Variants in PABIR2 observed in about 807,000 individuals in gnomAD.
PABIR2 encodes PABIR family member 2.
A neutral mutation model predicts 22.8 loss-of-function variants in PABIR2; 7 were observed. That is an observed-to-expected ratio of 0.31 (90% CI 0.17 to 0.58). The LOEUF is 0.58. Among genes scored for constraint, PABIR2 ranks in the 20% least tolerant of loss-of-function variants. PABIR2 has a pLI of 0.89. For synonymous variants in PABIR2, 67 were observed against 73.8 expected, an observed-to-expected ratio of 0.91 and a Z score of 0.47; for missense variants, 155 against 205.1, an observed-to-expected ratio of 0.76 and a Z score of 1.49.
intron 8 of PABIR2, among the ~76,000 whole-genome samples, chrX:134,783,422 G>C (rs2079208721): frequency 1.8e-5 from 2 of 112,362 alleles, no homozygotes; most frequent in Non-Finnish European, 3.8e-5. Flanking sequence ...ACCACTTGCT[G>C]AATTGCTTTT....
chrX:134,793,551 C>T lies in PABIR2; in HGVS notation c.177+264G>A, dbSNP rs1403787485. 4 of 435,108 alleles carry T rather than the reference C, an allele frequency of 9.2e-6. No individual in the cohort carries two copies. In the Admixed American group the frequency reaches 1.2e-4, roughly 13 times the overall value. 35.9% of individuals were successfully genotyped at this position (435,108 alleles called of 1,213,427 possible). A position where few individuals can be genotyped will look rare whatever the true frequency, so the allele number is the denominator to read the frequency against. On this transcript the variant is annotated intron_variant, in intron 2 of 9. Transcript: ENST00000343004. ...ATAATTAGGAGTTAATCCTGACTTACCTCACAAGCCTGATGCAAGTAGTGA... is the reference window on the plus strand; with the variant it reads ...ATAATTAGGAGTTAATCCTGACTTATCTCACAAGCCTGATGCAAGTAGTGA...
chrX:134,789,425 T>C, intron 3 of PABIR2, 155 bp downstream of exon 3: 3 of 837,518 alleles, frequency 3.6e-6, no homozygotes, highest in Non-Finnish European at 5.2e-6. Context: ...GGAACATTCA[T>C]GCCGCTTGTA....
intron 8 of PABIR2, 89 bp downstream of exon 8, chrX:134,785,797 G>A: frequency 1.1e-6 from 1 of 899,963 alleles, no homozygotes; most frequent in Non-Finnish European, 1.6e-6. Context: ...TCGTATGTGT[G>A]TGGTAAGAAC....
chrX:134,784,290 G>C (rs1431875784), intron 8 of PABIR2, among the ~76,000 whole-genome samples: 2 of 108,690 alleles, frequency 1.8e-5, no homozygotes, highest in Non-Finnish European at 3.8e-5. Flanking sequence ...GTGAAACTCT[G>C]CCTTTATTAA....
chrX:134,775,403 A>G (rs1353081028), intron 9 of PABIR2, among the ~76,000 whole-genome samples: 1 of 107,343 alleles, frequency 9.3e-6, no homozygotes, highest in Admixed American at 1.0e-4. Context: ...CTGTAGTCCC[A>G]GCTACTTGGA....
rs771387824 is a variant in PABIR2 at position 134,773,252 on chromosome X, C to T, written c.660-969G>A. ...ATAAGCTCTATGCTTTATATTTGCC[C>T]TGAATTCAATCATTCACTTATTCTA... On this transcript the variant is annotated intron_variant, in intron 9 of 9. Transcript: ENST00000343004. Among the ~76,000 whole-genome samples, 26 of 109,894 alleles carry T rather than the reference C, an allele frequency of 2.4e-4. No homozygotes were observed. In the Admixed American group the frequency reaches 2.6e-3, roughly 11 times the overall value.
chrX:134,773,215 A>C (rs778535244), intron 9 of PABIR2, among the ~76,000 whole-genome samples: 1 of 110,725 alleles, frequency 9.0e-6, no homozygotes, highest in East Asian at 2.8e-4. Flanking sequence ...TTTGGTTTCC[A>C]TCAATCCAGT....
At chrX:134,777,040 T>TC (rs1240166786) in intron 9 of PABIR2, among the ~76,000 whole-genome samples, 1 of 112,295 alleles carries the variant, frequency 8.9e-6, no homozygotes, top group African/African-American at 3.2e-5. Flanking sequence ...CTGGGTTCTA[T>TC]CAGATTAACA....
At chrX:134,790,876 G>A (rs2079526597) in intron 2 of PABIR2, among the ~76,000 whole-genome samples, 1 of 112,455 alleles carries the variant, frequency 8.9e-6, no homozygotes, top group Non-Finnish European at 1.9e-5. Flanking sequence ...CCAGCCACTG[G>A]TGAACTCTTA....
intron 6 of PABIR2, 32 bp downstream of exon 6, chrX:134,788,698 A>C: frequency 8.7e-7 from 1 of 1,149,565 alleles, no homozygotes; most frequent in Non-Finnish European, 1.2e-6. Context: ...TCAGTTTGTG[A>C]AATACACTTA....
chrX:134,771,768 CT>C lies in PABIR2; in HGVS notation c.*370del, dbSNP rs1268260489. On this transcript the variant is annotated 3_prime_UTR_variant, in exon 10 of 10. Transcript: ENST00000343004. ...CAAGCAAGAGAATTTCTGATCAAATCTGTCATATCACTGCTGCGGAAAAGGA... is the reference window on the plus strand; with the variant it reads ...CAAGCAAGAGAATTTCTGATCAAATCGTCATATCACTGCTGCGGAAAAGGA... 1 of 807,808 alleles carries C rather than the reference CT, an allele frequency of 1.2e-6. No homozygotes were observed. Among genetic ancestry groups the C allele is most frequent in the African/African-American group, 2.2e-5 (1 of 45,441 alleles). 66.6% of individuals were successfully genotyped at this position (807,808 alleles called of 1,213,427 possible). A position where few individuals can be genotyped will look rare whatever the true frequency, so the allele number is the denominator to read the frequency against.
chrX:134,788,139 T>A (rs1316549599), intron 6 of PABIR2, among the ~76,000 whole-genome samples: 1 of 101,220 alleles, frequency 9.9e-6, no homozygotes, highest in East Asian at 3.0e-4. Flanking sequence ...TATATATGTG[T>A]AATATATACG....
Position 134,788,797 on chromosome X carries a change from T to C in PABIR2, c.368A>G (p.Tyr123Cys). Residue 123 changes from tyrosine (Y) to cysteine (C), a missense_variant, in exon 6 of 10, where the codon TAT (tyrosine) becomes TGT (cysteine). Tyr to Cys is a radical substitution (Grantham distance 194). Transcript: ENST00000343004. ...AGTGAAGTCAATTCTCTTAGGAGAATATAATTTCTCCGGCTTGTCAAAATC... is the reference window on the plus strand; with the variant it reads ...AGTGAAGTCAATTCTCTTAGGAGAACATAATTTCTCCGGCTTGTCAAAATC... Reference protein sequence around the residue: ...DSDFDKPEKLYSPKRIDFTPV... With the variant: ...DSDFDKPEKLCSPKRIDFTPV... 1 of 1,209,388 alleles carries C rather than the reference T, an allele frequency of 8.3e-7. No individual in the cohort carries two copies. Among genetic ancestry groups the C allele is most frequent in the Non-Finnish European group, 1.1e-6 (1 of 894,408 alleles).
intron 2 of PABIR2, among the ~76,000 whole-genome samples, chrX:134,792,655 T>C (rs1267552774): frequency 8.9e-6 from 1 of 112,180 alleles, no homozygotes; most frequent in Admixed American, 9.4e-5. Flanking sequence ...TAATCCCAGT[T>C]CTACCACTTA....
chrX:134,783,765 T>TA (rs1048036456), intron 8 of PABIR2, among the ~76,000 whole-genome samples: 7 of 100,058 alleles, frequency 7.0e-5, no homozygotes, highest in African/African-American at 1.1e-4. Context: ...TGGTCTCAAT[T>TA]AAAAAAAAAA....
rs1414601213 is a variant in PABIR2, at chrX:134,771,609, G to A, written c.*530C>T. 2.2e-5 allele frequency: 19 copies of A among 876,156 alleles called. No individual in the cohort carries two copies. Among genetic ancestry groups the A allele is most frequent in the East Asian group, 5.5e-5 (1 of 18,174 alleles). The allele number at this position is 876,156 out of a possible 1,213,427, so 72.2% of individuals were successfully genotyped here. A position where few individuals can be genotyped will look rare whatever the true frequency, so the allele number is the denominator to read the frequency against. ...GGCATAAGCGGCTCAAACAGGAAAG[G>A]GAAACAAAATAATGTACTTGAAGCT... On this transcript the variant is annotated 3_prime_UTR_variant, in exon 10 of 10. Coordinates refer to ENST00000343004, the MANE Select transcript of PABIR2 (RefSeq NM_001387468.1).
chrX:134,785,326 C>A (rs1479650930), intron 8 of PABIR2, among the ~76,000 whole-genome samples: 2 of 111,399 alleles, frequency 1.8e-5, no homozygotes, highest in African/African-American at 3.3e-5. Context: ...TGATGCTTAT[C>A]TTTTTCTTTT....
intron 9 of PABIR2, among the ~76,000 whole-genome samples, chrX:134,775,166 A>T (rs1286882663): frequency 8.9e-6 from 1 of 111,904 alleles, no homozygotes; most frequent in Non-Finnish European, 1.9e-5. Context: ...TCCTTGAATC[A>T]AAACTGAACA....
intron 8 of PABIR2, 118 bp downstream of exon 8, chrX:134,785,768 T>G: frequency 1.4e-6 from 1 of 701,582 alleles, no homozygotes; most frequent in South Asian, 2.6e-5. Flanking sequence ...ACACATCTTT[T>G]GCTTCACCTA....
Sources: allele counts gnomAD v4.1 joint callset (sites outside exome capture counted in the v4.1 genomes callset), GRCh38; gene constraint gnomAD v4.1.1; transcripts MANE v1.5; gene names NCBI Gene and HGNC (gene_info 2026-07-23, HGNC 2026-07-21).